BRCA2: variants seen among roughly 807,000 people sequenced by gnomAD.
BRCA2 encodes the protein BRCA2 DNA repair associated.
BRCA2 carries 203 observed loss-of-function variants against 276.7 expected under a neutral mutation model. The observed-to-expected ratio is 0.73, with a 90% CI of 0.65 to 0.82. BRCA2 has a LOEUF of 0.82. BRCA2 is among the 40% of genes least tolerant of loss of function. The pLI, the probability that BRCA2 is intolerant of heterozygous loss-of-function variation, is 0.00. For synonymous variants in BRCA2, 1,289 were observed against 1,338.4 expected (o/e 0.96, Z 0.81); for missense variants, 3,920 against 3,915.0 (o/e 1.00, Z -0.03).
intron 25 of BRCA2, 50 bp from the exon 26 acceptor site, chr13:32,396,848 A>T (rs1296339117): frequency 6.2e-7 from 1 of 1,607,498 alleles, no homozygotes; most frequent in South Asian, 1.1e-5. Flanking sequence ...TGGAAACATA[A>T]ATATGTGGGT....
chr13:32,332,326 T>G lies in BRCA2; in HGVS notation c.848T>G (p.Ile283Ser), dbSNP rs730881507. ...AAAGTAAATAGCTGCAAAGACCACA[T>G]TGGAAAGTCAATGCCAAATGTCCTA... is the stretch of plus-strand genomic sequence containing the variant. ...SFKVNSCKDHIGKSMPNVLED... is the reference protein window; with the variant it reads ...SFKVNSCKDHSGKSMPNVLED... The change falls in exon 10 of 27, where the codon ATT becomes AGT. Residue 283 changes from isoleucine to serine, a missense_variant. Physicochemically the swap from Ile to Ser is moderately radical, Grantham distance 142. Transcript: ENST00000380152. The G allele has an allele frequency of 1.2e-6, 2 of 1,603,694 alleles. No homozygotes were observed. The highest frequency in any genetic ancestry group is 3.5e-5 in the Admixed American group (2 of 57,912).
intron 3 of BRCA2, among the ~76,000 whole-genome samples, chr13:32,323,239 G>C (rs949260907): frequency 2.0e-5 from 3 of 148,564 alleles, no homozygotes; most frequent in African/African-American, 7.5e-5. Flanking sequence ...TGCAAGCTCC[G>C]CCTCCCAGGT....
chr13:32,371,455 G>A (rs2072833950), intron 20 of BRCA2, among the ~76,000 whole-genome samples: 1 of 151,876 alleles, frequency 6.6e-6, no homozygotes, highest in Admixed American at 6.6e-5. Flanking sequence ...ATGTTTATAT[G>A]ACATAAATTT....
At chr13:32,352,286 G>A (rs957979369) in intron 13 of BRCA2, among the ~76,000 whole-genome samples, 4 of 151,346 alleles carry the variant, frequency 2.6e-5, no homozygotes, top group African/African-American at 4.9e-5. Flanking sequence ...GTATTTACCC[G>A]TGTATTACCT....
chr13:32,365,081 G>C (rs956282085), intron 18 of BRCA2, among the ~76,000 whole-genome samples: 1 of 138,490 alleles, frequency 7.2e-6, no homozygotes, highest in African/African-American at 2.7e-5. Context: ...ATCTTCTTTA[G>C]CATAGCTCCT....
At chr13:32,359,082 C>T (rs1385786832) in intron 16 of BRCA2, among the ~76,000 whole-genome samples, 5 of 151,562 alleles carry the variant, frequency 3.3e-5, no homozygotes, top group African/African-American at 9.7e-5. Context: ...ATTAGCTGGA[C>T]GTGGTGGCAC....
chr13:32,369,955 G>T (rs533918129), intron 18 of BRCA2, among the ~76,000 whole-genome samples: 10 of 152,300 alleles, frequency 6.6e-5, no homozygotes, highest in African/African-American at 1.9e-4. Context: ...TTTGCTTTTT[G>T]TATTAGCCAT....
At chr13:32,342,530 T>C (rs532022945) in intron 11 of BRCA2, among the ~76,000 whole-genome samples, 1 of 152,192 alleles carries the variant, frequency 6.6e-6, no homozygotes. Flanking sequence ...TTCTGAGAAA[T>C]AGATTGTTAG....
chr13:32,354,839 AT>A, intron 13 of BRCA2, 21 bp from the exon 14 acceptor site: 1 of 1,459,904 alleles, frequency 6.8e-7, no homozygotes, highest in Non-Finnish European at 9.6e-7. Context: ...CAATAAACTT[AT>A]ATATTTTCTC....
chr13:32,342,564 T>C (rs968446335), intron 11 of BRCA2, among the ~76,000 whole-genome samples: 1 of 152,180 alleles, frequency 6.6e-6, no homozygotes, highest in Non-Finnish European at 1.5e-5. Context: ...GGGAACATCA[T>C]AGAGTATACT....
At chr13:32,326,054 G>A (rs81002842) in intron 4 of BRCA2, 47 bp from the exon 5 acceptor site, 10 of 1,518,550 alleles carry the variant, frequency 6.6e-6, no homozygotes, top group Non-Finnish European at 9.0e-6. Flanking sequence ...ACTAGTTTTT[G>A]CCAGTTTTTT....
chr13:32,350,616 A>G (rs1428000562), intron 13 of BRCA2, among the ~76,000 whole-genome samples: 1 of 151,850 alleles, frequency 6.6e-6, no homozygotes, highest in Non-Finnish European at 1.5e-5. Context: ...AGCCAGACGT[A>G]GTGGTGGGCG....
Position 32,332,556 on chromosome 13 carries a change from C to G in BRCA2, c.1078C>G (p.Pro360Ala), listed in dbSNP as rs587782057. Residue 360 changes from proline (P) to alanine (A), a missense_variant, in exon 10 of 27, where the codon CCA becomes GCA. Transcript: ENST00000380152. ...EKYSFVSEVE[P>A]NDTDPLDSNV... ...ATACTCATTTGTATCTGAAGTGGAA[C>G]CAAATGATACTGATCCATTAGATTC... The G allele has an allele frequency of 4.3e-6, 7 of 1,611,232 alleles. No homozygotes were observed. In the African/African-American group the frequency reaches 8.0e-5, roughly 18 times the overall value.
In BRCA2 at chr13:32,371,071, A is replaced by G. The variant is rs759784406; in HGVS notation, c.8603A>G (p.Lys2868Arg). Residue 2868 changes from lysine to arginine, a missense_variant, in exon 20 of 27, where the codon AAA becomes AGA. Physicochemically the swap from Lys to Arg is conservative, Grantham distance 26. This residue lies in a region of BRCA2 where 657 missense variants were observed against 758.2 expected (regional missense o/e 0.87). Transcript: ENST00000380152. ...QQKRLEALFT[K>R]IQEEFEEHEE... is the part of the protein sequence containing the mutation. ...AAGAGACTAGAAGCCTTATTCACTA[A>G]AATTCAGGAGGAATTTGAAGAACAT... 4 of 1,614,152 alleles carry G rather than the reference A, an allele frequency of 2.5e-6. No homozygotes were observed. The Admixed American group carries it at 6.7e-5, about 27-fold the overall frequency.
rs80359504 is a variant in BRCA2, at chr13:32,339,651, AATAAACTTG to A, written c.5299_5307del (p.Lys1767_Asp1769del). ...TAATGATTCAGGATATCTCTCAAAA[AATAAACTTG>A]ATTCTGGTATTGAGCCAGTATTGAA... On this transcript the variant is annotated inframe_deletion, in exon 11 of 27. Coordinates refer to ENST00000380152, the MANE Select transcript of BRCA2 (RefSeq NM_000059.4). The A allele has an allele frequency of 6.2e-7, 1 of 1,612,768 alleles. No homozygotes were observed.
chr13:32,351,608 A>G (rs569633544), intron 13 of BRCA2, among the ~76,000 whole-genome samples: 1 of 152,298 alleles, frequency 6.6e-6, no homozygotes, highest in East Asian at 1.9e-4. Flanking sequence ...GTGTTGACAG[A>G]GCTGAATTTT....
chr13:32,395,018 A>G, intron 25 of BRCA2, 85 bp downstream of exon 25: 1 of 1,571,382 alleles, frequency 6.4e-7, no homozygotes. Flanking sequence ...TTTTATACAA[A>G]TTGGATAGTT....
rs980328311 is a variant in BRCA2 at position 32,365,625 on chromosome 13, G to C, written c.8331+2092G>C. 1.7e-3 allele frequency among the ~76,000 whole-genome samples: 251 copies of C among 151,380 alleles called. 1 individual carries two copies. Among genetic ancestry groups the C allele is most frequent in the Non-Finnish European group, 3.8e-4 (26 of 67,918 alleles). ...CATCCTGACCTCAGGTGATCCACCT[G>C]CCTCAGCCTCCCAAAGTGTTGGGAT... On this transcript the variant is annotated intron_variant, in intron 18 of 26. Transcript: ENST00000380152.
At chr13:32,369,631 T>C (rs772792109) in intron 18 of BRCA2, among the ~76,000 whole-genome samples, 11 of 152,202 alleles carry the variant, frequency 7.2e-5, no homozygotes, top group Non-Finnish European at 1.6e-4. Context: ...TGGAGTGCAG[T>C]GGCACAATCT....
Sources: gnomAD v4.1 joint callset for allele counts (sites outside exome capture counted in the v4.1 genomes callset) on GRCh38, gnomAD v4.1.1 for gene constraint, gnomAD v4.1.1 regional missense constraint, MANE v1.5 for transcripts, NCBI Gene and HGNC (gene_info 2026-07-23, HGNC 2026-07-21) for gene names.